TXNDC8: variants seen among roughly 807,000 people sequenced by gnomAD.
TXNDC8 encodes thioredoxin domain containing 8.
Under a neutral mutation model 12.9 loss-of-function variants are expected in TXNDC8, and 15 were observed. The observed-to-expected ratio is 1.16, with a 90% CI of 0.78 to 1.79. TXNDC8 has a LOEUF of 1.79. Ranked by LOEUF, TXNDC8 falls within the 40% of genes most tolerant of loss-of-function variation. The probability of loss-of-function intolerance (pLI) is 0.00; values close to 1 mark genes in which losing one functional copy is unlikely to be tolerated. For missense variants in TXNDC8, 128 were observed against 113.2 expected (o/e 1.13, Z -0.59); for synonymous variants, 40 against 35.4 (o/e 1.13, Z -0.46).
intron 4 of TXNDC8, 38 bp downstream of exon 5, chr9:110,304,429 C>G: frequency 6.4e-7 from 1 of 1,565,758 alleles, no homozygotes; most frequent in South Asian, 1.1e-5. Flanking sequence ...AAAGTAAACC[C>G]CAGATTTCTA....
At position 110,304,168 on chromosome 9, in the gene TXNDC8, A is replaced by G. The variant is rs576826314; in HGVS notation, c.261+299T>C. Among the ~76,000 whole-genome samples, 23 of 152,362 alleles carry G rather than the reference A, an allele frequency of 1.5e-4. No homozygotes were observed. In the East Asian group the frequency reaches 4.2e-3, roughly 28 times the overall value. The stretch of plus-strand genomic sequence containing the variant: ...AAGAAAGATGGAATTCAAAGATGGA[A>G]TTCAAAATATATTACATGGTTGAAG... On this transcript the variant is annotated intron_variant, in intron 4 of 4. Transcript: ENST00000423740.
downstream of TXNDC8, chr9:110,303,371 G>T: frequency 1.2e-6 from 1 of 867,820 alleles, no homozygotes; most frequent in Non-Finnish European, 1.6e-6. Context: ...TTTAGCAATT[G>T]TGCAGTGAGA....
chr9:110,313,298 T>G lies in TXNDC8; in HGVS notation c.196-8766A>C, dbSNP rs988804105. 4.6e-5 allele frequency among the ~76,000 whole-genome samples: 7 copies of G among 152,350 alleles called. No individual in the cohort carries two copies. In the East Asian group the frequency reaches 1.2e-3, roughly 25 times the overall value. On this transcript the variant is annotated intron_variant, in intron 3 of 4. Transcript: ENST00000423740. The stretch of plus-strand genomic sequence containing the variant: ...GTCACTGAAAACTAAGCTGTGCTTT[T>G]TTAAAGCCCTGCAAACTGAAGCTAG...
intron 2 of TXNDC8, among the ~76,000 whole-genome samples, chr9:110,333,834 ATTC>A (rs1296298082): frequency 1.3e-5 from 2 of 152,230 alleles, no homozygotes; most frequent in Non-Finnish European, 2.9e-5. Flanking sequence ...GGAGAAATTT[ATTC>A]TTTTATGTTA....
intron 3 of TXNDC8, among the ~76,000 whole-genome samples, chr9:110,316,045 G>A (rs1299839756): frequency 6.6e-6 from 1 of 151,354 alleles, no homozygotes; most frequent in Non-Finnish European, 1.5e-5. Flanking sequence ...TTATAGACAT[G>A]TGCCACCACA....
chr9:110,322,419 G>A lies in TXNDC8; in HGVS notation c.195+3756C>T, dbSNP rs532011833. The A allele has an allele frequency of 8.3e-5, 82 of 985,360 alleles. No homozygotes were observed. The South Asian group carries it at 3.4e-3, about 41-fold the overall frequency. 61.0% of individuals were successfully genotyped at this position (985,360 alleles called of 1,614,324 possible). On this transcript the variant is annotated intron_variant, in intron 3 of 4. Coordinates refer to ENST00000423740, the MANE Select transcript of TXNDC8 (RefSeq NM_001286946.2). ...ATCTTTAGTGATCTCTGGAATGCAG[G>A]ATCTATCAATTCAAAAGAGATACAT...
chr9:110,317,198 C>G (rs1838914304), intron 3 of TXNDC8, among the ~76,000 whole-genome samples: 2 of 152,164 alleles, frequency 1.3e-5, no homozygotes, highest in Non-Finnish European at 2.9e-5. Flanking sequence ...TGTCATTTTT[C>G]CCGTTTACTG....
chr9:110,307,302 T>C (rs1838506458), intron 3 of TXNDC8, among the ~76,000 whole-genome samples: 1 of 152,104 alleles, frequency 6.6e-6, no homozygotes, highest in African/African-American at 2.4e-5. Context: ...AAGTGTACCA[T>C]TGATGACCAT....
intron 2 of TXNDC8, among the ~76,000 whole-genome samples, chr9:110,331,500 A>G (rs921999243): frequency 6.6e-6 from 1 of 152,132 alleles, no homozygotes; most frequent in Non-Finnish European, 1.5e-5. Context: ...TGATGATTTT[A>G]TGAGCATTTA....
At chr9:110,310,976 G>C in intron 3 of TXNDC8, among the ~76,000 whole-genome samples, 1 of 152,206 alleles carries the variant, frequency 6.6e-6, no homozygotes, top group East Asian at 1.9e-4. Context: ...GCTTCAAGCA[G>C]TCTAGTCCAC....
At chr9:110,324,002 C>T in intron 3 of TXNDC8, 2 of 1,549,806 alleles carry the variant, frequency 1.3e-6, no homozygotes, top group Non-Finnish European at 1.7e-6. Context: ...AGATGGAGCC[C>T]TAAGGAAGTA....
intron 3 of TXNDC8, among the ~76,000 whole-genome samples, chr9:110,319,189 T>A (rs1487220143): frequency 6.6e-6 from 1 of 152,188 alleles, no homozygotes; most frequent in Middle Eastern, 3.2e-3. Flanking sequence ...TTTCTTTTTT[T>A]CCTCATGCAG....
chr9:110,305,301 G>T (rs73526760), intron 3 of TXNDC8, among the ~76,000 whole-genome samples: 2,202 of 152,226 alleles, frequency 0.014, 59 homozygotes, highest in African/African-American at 0.05. Flanking sequence ...GACTTACCTG[G>T]AGAGTGTCAC....
chr9:110,328,698 C>T (rs1324863754), intron 2 of TXNDC8, among the ~76,000 whole-genome samples: 1 of 152,048 alleles, frequency 6.6e-6, no homozygotes, highest in Non-Finnish European at 1.5e-5. Flanking sequence ...CCCAGCGACT[C>T]GGGAGGCTGA....
Position 110,309,470 on chromosome 9 carries a change from G to A in TXNDC8, c.196-4938C>T, listed in dbSNP as rs1186410777. ...CCTGCCTCTGCCTCCCTAGTAGCTG[G>A]AATTACAGGCATGCACCACCATGCC... On this transcript the variant is annotated intron_variant, in intron 3 of 4. Coordinates refer to ENST00000423740, the MANE Select transcript of TXNDC8 (RefSeq NM_001286946.2). 4.6e-5 allele frequency among the ~76,000 whole-genome samples: 7 copies of A among 152,212 alleles called. No individual in the cohort carries two copies. The Middle Eastern group carries it at 0.014, about 296-fold the overall frequency.
intron 3 of TXNDC8, among the ~76,000 whole-genome samples, chr9:110,311,260 G>A (rs891010706): frequency 5.9e-5 from 9 of 151,608 alleles, no homozygotes; most frequent in South Asian, 2.1e-4. Context: ...TAAATACAAC[G>A]GGGAAAATAC....
chr9:110,332,483 A>G (rs1435388531), intron 2 of TXNDC8, among the ~76,000 whole-genome samples: 2 of 152,340 alleles, frequency 1.3e-5, no homozygotes, highest in Non-Finnish European at 2.9e-5. Context: ...GGTTAAAATT[A>G]ACTCAGGCTG....
At chr9:110,323,719 C>G in intron 3 of TXNDC8, 1 of 838,084 alleles carries the variant, frequency 1.2e-6, no homozygotes, top group East Asian at 3.0e-5. Context: ...TGGATAGATT[C>G]AGGGTGCAGT....
intron 3 of TXNDC8, among the ~76,000 whole-genome samples, chr9:110,305,841 CTTTTCTTTT>C (rs1838448973): frequency 1.8e-5 from 2 of 113,902 alleles, no homozygotes; most frequent in South Asian, 5.5e-4. Flanking sequence ...CTTTTCCTTT[CTTTTCTTTT>C]CTTTCTTTTT....
Sources: gnomAD v4.1 joint callset for allele counts (sites outside exome capture counted in the v4.1 genomes callset) on GRCh38, gnomAD v4.1.1 for gene constraint, MANE v1.5 for transcripts, NCBI Gene and HGNC (gene_info 2026-07-23, HGNC 2026-07-21) for gene names.